Variants in GNB1L observed in about 807,000 individuals in gnomAD.
GNB1L encodes the protein G protein subunit beta 1 like.
Under a neutral mutation model 29.1 loss-of-function variants are expected in GNB1L, and 20 were observed. The ratio of observed to expected loss-of-function variants is 0.69; its 90% CI spans 0.48 to 1.00. The LOEUF (loss-of-function observed/expected upper bound fraction) is 1.00. Ranked by LOEUF, GNB1L falls within the 50% of genes least tolerant of loss-of-function variation. The pLI is 0.00. For missense variants in GNB1L, 421 were observed against 464.9 expected, an observed-to-expected ratio of 0.91 and a Z score of 0.87; for synonymous variants, 193 against 206.5, an observed-to-expected ratio of 0.93 and a Z score of 0.56.
intron 4 of GNB1L, among the ~76,000 whole-genome samples, chr22:19,814,023 G>A (rs1407044351): frequency 6.6e-6 from 1 of 152,146 alleles, no homozygotes; most frequent in East Asian, 1.9e-4. Flanking sequence ...GATGTCAGAA[G>A]GACACGGACT....
In GNB1L at chr22:19,788,663, A is replaced by C. The variant is rs1420320585; in HGVS notation, c.*46T>G. On this transcript the variant is annotated 3_prime_UTR_variant, in exon 8 of 8. Transcript: ENST00000329517. ...AGGCCAAGGCTGGGGCCTGATGCCC[A>C]CCTCCCTGCCCGCCCTCCTCGTCTC... The C allele has an allele frequency of 7.4e-6, 12 of 1,611,718 alleles. No individual in the cohort carries two copies. The highest frequency in any genetic ancestry group is 1.0e-5 in the Non-Finnish European group (12 of 1,179,280).
intron 2 of GNB1L, chr22:19,850,953 G>A: frequency 8.7e-6 from 12 of 1,374,580 alleles, no homozygotes; most frequent in Non-Finnish European, 1.1e-5. Context: ...AGAGCCAGCA[G>A]CAGGGAAAGG....
At position 19,821,299 on chromosome 22, in the gene GNB1L, G is replaced by C. The variant is rs183732518; in HGVS notation, c.57C>G (p.Thr19=). The part of the protein sequence containing the change: ...PPDPQFVLRG[T]QSPVHALHFC... ...AGTGCAGCGCATGCACCGGTGACTG[G>C]GTGCCTCGGAGGACAAACTGGGGGT... Residue 19 remains threonine (T), a synonymous_variant, in exon 3 of 8, where the codon ACC becomes ACG. Coordinates refer to ENST00000329517, the MANE Select transcript of GNB1L (RefSeq NM_053004.3). The C allele has an allele frequency of 1.2e-6, 2 of 1,613,226 alleles. No individual in the cohort carries two copies. Among genetic ancestry groups the C allele is most frequent in the African/African-American group, 2.7e-5 (2 of 74,936 alleles).
At chr22:19,792,261 A>G in intron 7 of GNB1L, 1 of 646,664 alleles carries the variant, frequency 1.5e-6, no homozygotes, top group Non-Finnish European at 2.7e-6. Context: ...ACTATGTTCA[A>G]AAAATGAAAG....
At chr22:19,849,385 T>TTTTTG in intron 2 of GNB1L, 3 of 762,230 alleles carry the variant, frequency 3.9e-6, no homozygotes, top group Non-Finnish European at 4.8e-6. Context: ...TTTTTTTTTT[T>TTTTTG]GGGATGGAGT....
chr22:19,794,809 T>A (rs1390878648), intron 7 of GNB1L, among the ~76,000 whole-genome samples: 2 of 152,050 alleles, frequency 1.3e-5, no homozygotes, highest in African/African-American at 4.8e-5. Flanking sequence ...GGTGAAACCC[T>A]GTCTCTACTA....
chr22:19,851,291 G>A (rs1381539218), intron 2 of GNB1L: 2 of 1,613,800 alleles, frequency 1.2e-6, no homozygotes, highest in Non-Finnish European at 1.7e-6. Context: ...TGTTTTCTGG[G>A]GTTTTGGACC....
chr22:19,803,718 G>A (rs1937401096), intron 6 of GNB1L, among the ~76,000 whole-genome samples: 1 of 151,086 alleles, frequency 6.6e-6, no homozygotes, highest in Non-Finnish European at 1.5e-5. Flanking sequence ...CAGTGGGTGA[G>A]GGCCAGGCGA....
Position 19,849,352 on chromosome 22 carries a change from T to C in GNB1L, c.-21+5091A>G, listed in dbSNP as rs894669873. The C allele has an allele frequency of 2.1e-5, 20 of 952,004 alleles. No individual in the cohort carries two copies. In the African/African-American group the frequency reaches 3.4e-4, roughly 16 times the overall value. The allele number at this position is 952,004 out of a possible 1,614,324, so 59.0% of individuals were successfully genotyped here. ...TCCCAACAATTTATATTTTTCTAAA[T>C]AAGGTTTTTGTTTTTTGTTGTTTTT... On this transcript the variant is annotated intron_variant, in intron 2 of 7. Coordinates refer to ENST00000329517, the MANE Select transcript of GNB1L (RefSeq NM_053004.3).
At chr22:19,792,531 A>G (rs1254827469) in intron 7 of GNB1L, 7 of 1,545,478 alleles carry the variant, frequency 4.5e-6, no homozygotes, top group South Asian at 1.1e-5. Flanking sequence ...GCCTCCTGCA[A>G]TTAACCAGTT....
chr22:19,795,384 T>C (rs1289413496), intron 7 of GNB1L, among the ~76,000 whole-genome samples: 1 of 151,670 alleles, frequency 6.6e-6, no homozygotes, highest in East Asian at 1.9e-4. Context: ...GGTAAGGATA[T>C]TAAAGACTGG....
rs1390427737 is a variant in GNB1L, at chr22:19,786,977, GTA to G, written c.*1730_*1731del. The G allele has an allele frequency of 6.6e-6, 1 of 152,258 alleles. No homozygotes were observed. Among genetic ancestry groups the G allele is most frequent in the African/African-American group, 2.4e-5 (1 of 41,446 alleles). 9.4% of individuals were successfully genotyped at this position (152,258 alleles called of 1,614,324 possible). ...ACCCTTGTCCAACGGAGCCAGGCCA[GTA>G]CCCGAGCCAGGTGGTCTCCAAGCTT... On this transcript the variant is annotated 3_prime_UTR_variant, in exon 8 of 8. Coordinates refer to ENST00000329517, the MANE Select transcript of GNB1L (RefSeq NM_053004.3).
chr22:19,831,203 A>G (rs1199438876), intron 2 of GNB1L, among the ~76,000 whole-genome samples: 1 of 151,770 alleles, frequency 6.6e-6, no homozygotes, highest in Non-Finnish European at 1.5e-5. Flanking sequence ...TCTACTAAAA[A>G]TACAAAATTA....
At chr22:19,827,964 C>T (rs954110926) in intron 2 of GNB1L, among the ~76,000 whole-genome samples, 9 of 152,180 alleles carry the variant, frequency 5.9e-5, no homozygotes, top group East Asian at 1.9e-4. Context: ...TGGGTAAATT[C>T]GTACGATAGA....
At chr22:19,850,231 C>T (rs1938062359) in intron 2 of GNB1L, 1 of 985,630 alleles carries the variant, frequency 1.0e-6, no homozygotes, top group Non-Finnish European at 1.2e-6. Context: ...ACTGCACCAC[C>T]TCAGCCAGTA....
In GNB1L at chr22:19,797,330, A is replaced by G. The variant is rs1006206410; in HGVS notation, c.732+4671T>C. On this transcript the variant is annotated intron_variant, in intron 7 of 7. Coordinates refer to ENST00000329517, the MANE Select transcript of GNB1L (RefSeq NM_053004.3). ...CAGCCCAGCAGAGTGGGCGGAGCAC[A>G]TGTCACACACGGGAGGGGGGGTGGG... is the stretch of plus-strand genomic sequence containing the variant. Among the ~76,000 whole-genome samples, 12 of 125,458 alleles carry G rather than the reference A, an allele frequency of 9.6e-5. No individual in the cohort carries two copies. In the Admixed American group the frequency reaches 1.0e-3, roughly 10 times the overall value. The allele number at this position is 125,458 out of a possible 152,430, so 82.3% of individuals were successfully genotyped here.
rs766799639 is a variant in GNB1L, at chr22:19,801,982, C to T, written c.732+19G>A. On this transcript the variant is annotated intron_variant, in intron 7 of 7. Coordinates refer to ENST00000329517, the MANE Select transcript of GNB1L (RefSeq NM_053004.3). ...AGTGCAGAGCAGGATAAATGAGACC[C>T]GGGGCCTGGCGCACTGACCTGCAGG... 34 of 1,550,494 alleles carry T rather than the reference C, an allele frequency of 2.2e-5. No individual in the cohort carries two copies. Among genetic ancestry groups the T allele is most frequent in the Middle Eastern group, 2.0e-4 (1 of 5,092 alleles).
At chr22:19,851,915 C>G (rs17745302) in intron 2 of GNB1L, 5 of 1,614,024 alleles carry the variant, frequency 3.1e-6, no homozygotes, top group Non-Finnish European at 4.2e-6. Context: ...GGCCAAGAAG[C>G]GGTCCAGTAG....
At chr22:19,803,380 C>T (rs538897506) in intron 6 of GNB1L, among the ~76,000 whole-genome samples, 28 of 152,322 alleles carry the variant, frequency 1.8e-4, no homozygotes, top group Non-Finnish European at 3.2e-4. Context: ...CCCGGGGCAC[C>T]TCCTCCCAGG....
Sources: gnomAD v4.1 joint callset for allele counts (sites outside exome capture counted in the v4.1 genomes callset) on GRCh38, gnomAD v4.1.1 for gene constraint, MANE v1.5 for transcripts, NCBI Gene and HGNC (gene_info 2026-07-23, HGNC 2026-07-21) for gene names.